Variants in SLC2A13 observed in about 807,000 individuals in gnomAD.
SLC2A13 encodes the protein solute carrier family 2 member 13.
In SLC2A13, 32 loss-of-function variants were observed where a neutral mutation model predicts 64.4. The ratio of observed to expected loss-of-function variants is 0.50; its 90% CI spans 0.37 to 0.67. The LOEUF is 0.67. Among genes scored for constraint, SLC2A13 ranks in the 30% least tolerant of loss-of-function variants. SLC2A13 has a pLI of 0.00. For missense variants in SLC2A13, 743 were observed against 829.2 expected, an observed-to-expected ratio of 0.90 and a Z score of 1.28; for synonymous variants, 338 against 327.1, an observed-to-expected ratio of 1.03 and a Z score of -0.36.
chr12:39,966,184 G>T (rs777735435), intron 3 of SLC2A13, among the ~76,000 whole-genome samples: 6 of 151,708 alleles, frequency 4.0e-5, no homozygotes, highest in Non-Finnish European at 8.8e-5. Flanking sequence ...AGAGAGAGAA[G>T]TATGTATATG....
At chr12:40,055,190 C>T (rs1271042199) in intron 1 of SLC2A13, among the ~76,000 whole-genome samples, 2 of 152,120 alleles carry the variant, frequency 1.3e-5, no homozygotes, top group African/African-American at 4.8e-5. Flanking sequence ...AGAAAAGATG[C>T]TGGGAAACTT....
chr12:39,806,447 G>A (rs1252198628), intron 7 of SLC2A13, among the ~76,000 whole-genome samples: 1 of 152,096 alleles, frequency 6.6e-6, no homozygotes, highest in Non-Finnish European at 1.5e-5. Flanking sequence ...AAATGCTACA[G>A]GATATATATT....
intron 3 of SLC2A13, among the ~76,000 whole-genome samples, chr12:39,963,838 G>A (rs1225086794): frequency 6.6e-6 from 1 of 152,120 alleles, no homozygotes; most frequent in Non-Finnish European, 1.5e-5. Flanking sequence ...GTACTAATGA[G>A]AATTAGAGTG....
intron 4 of SLC2A13, among the ~76,000 whole-genome samples, chr12:39,912,117 A>G (rs1481751798): frequency 1.3e-5 from 2 of 151,978 alleles, no homozygotes; most frequent in African/African-American, 4.8e-5. Context: ...CCCCACAATG[A>G]TCAACCTTCC....
chr12:39,947,492 G>A (rs997620066), intron 4 of SLC2A13, among the ~76,000 whole-genome samples: 36 of 151,984 alleles, frequency 2.4e-4, no homozygotes, highest in African/African-American at 8.5e-4. Flanking sequence ...CACTACCTAC[G>A]TACACCTTTC....
At chr12:40,071,697 C>T (rs1370259648) in intron 1 of SLC2A13, among the ~76,000 whole-genome samples, 1 of 152,118 alleles carries the variant, frequency 6.6e-6, no homozygotes, top group Non-Finnish European at 1.5e-5. Flanking sequence ...TCCATTTCAT[C>T]TAGGTTATCA....
At chr12:39,854,862 G>A (rs1943565343) in intron 6 of SLC2A13, among the ~76,000 whole-genome samples, 1 of 152,126 alleles carries the variant, frequency 6.6e-6, no homozygotes, top group East Asian at 1.9e-4. Flanking sequence ...TCATGCCTGG[G>A]TGGCTTCTCC....
intron 3 of SLC2A13, among the ~76,000 whole-genome samples, chr12:39,955,207 A>T (rs1946295576): frequency 6.6e-6 from 1 of 152,210 alleles, no homozygotes; most frequent in Admixed American, 6.5e-5. Context: ...GAAATCAGTA[A>T]CTGAAAGACA....
intron 1 of SLC2A13, among the ~76,000 whole-genome samples, chr12:40,090,443 T>C (rs1938728683): frequency 1.3e-5 from 2 of 152,214 alleles, no homozygotes; most frequent in Non-Finnish European, 2.9e-5. Flanking sequence ...TTTGAGTTTA[T>C]GTCTATAAAT....
At chr12:39,934,412 A>G (rs1354008934) in intron 4 of SLC2A13, among the ~76,000 whole-genome samples, 1 of 152,228 alleles carries the variant, frequency 6.6e-6, no homozygotes, top group African/African-American at 2.4e-5. Context: ...AGGCCAGGTT[A>G]TGTGGAGCAG....
At chr12:40,005,760 G>T (rs1041048157) in intron 3 of SLC2A13, among the ~76,000 whole-genome samples, 1 of 152,098 alleles carries the variant, frequency 6.6e-6, no homozygotes, top group African/African-American at 2.4e-5. Flanking sequence ...CCACCAAAAG[G>T]CTATACGATT....
At chr12:40,051,126 C>T (rs548785633) in intron 1 of SLC2A13, among the ~76,000 whole-genome samples, 2 of 152,198 alleles carry the variant, frequency 1.3e-5, no homozygotes, top group Admixed American at 1.3e-4. Context: ...GACCTACTCA[C>T]AAAAGCATAC....
chr12:39,870,139 A>G (rs1245974679), intron 5 of SLC2A13, among the ~76,000 whole-genome samples: 2 of 152,218 alleles, frequency 1.3e-5, no homozygotes, highest in Non-Finnish European at 2.9e-5. Flanking sequence ...ATGTTTAGTC[A>G]GTTTTCCCCA....
At chr12:39,946,240 C>T (rs181669411) in intron 4 of SLC2A13, among the ~76,000 whole-genome samples, 202 of 152,304 alleles carry the variant, frequency 1.3e-3, no homozygotes, top group African/African-American at 4.6e-3. Flanking sequence ...TGGATACCAG[C>T]GCCTGTTCCA....
chr12:40,009,710 C>A (rs1185575213), intron 3 of SLC2A13, among the ~76,000 whole-genome samples: 1 of 152,202 alleles, frequency 6.6e-6, no homozygotes, highest in Non-Finnish European at 1.5e-5. Flanking sequence ...GCTAGGATTA[C>A]AGGCATGAGC....
chr12:39,835,140 T>C (rs1011727902), intron 6 of SLC2A13, among the ~76,000 whole-genome samples: 40 of 152,220 alleles, frequency 2.6e-4, no homozygotes, highest in African/African-American at 9.6e-4. Flanking sequence ...TTTCTTTTGG[T>C]CTATTTTGGT....
chr12:40,015,015 C>T lies in SLC2A13; in HGVS notation c.925+13286G>A, dbSNP rs189896508. Among the ~76,000 whole-genome samples the T allele has an allele frequency of 1.7e-3, 262 of 152,102 alleles. 2 individuals are homozygous for T. Among genetic ancestry groups the T allele is most frequent in the South Asian group, 9.3e-3 (45 of 4,818 alleles). ...ACATCTTGTAGGTACGTCTCTATTC[C>T]TGCTGGTATAATTTTACAAGTAATG... On this transcript the variant is annotated intron_variant, in intron 3 of 9. Coordinates refer to ENST00000280871, the MANE Select transcript of SLC2A13 (RefSeq NM_052885.4).
chr12:39,865,421 C>T (rs1195970726), intron 5 of SLC2A13, among the ~76,000 whole-genome samples: 1 of 152,138 alleles, frequency 6.6e-6, no homozygotes, highest in African/African-American at 2.4e-5. Context: ...TTTTTGAAGA[C>T]TTTAAAGTAC....
intron 3 of SLC2A13, among the ~76,000 whole-genome samples, chr12:40,018,875 T>C (rs917890715): frequency 6.6e-6 from 1 of 152,166 alleles, no homozygotes; most frequent in Admixed American, 6.6e-5. Context: ...TTAGTAATGT[T>C]GAGTGCTTCT....
Sources: allele counts gnomAD v4.1 joint callset (sites outside exome capture counted in the v4.1 genomes callset), GRCh38; gene constraint gnomAD v4.1.1; transcripts MANE v1.5; gene names NCBI Gene and HGNC (gene_info 2026-07-23, HGNC 2026-07-21).